Variants in SHANK2 observed in about 807,000 individuals in gnomAD.
The protein encoded by SHANK2 is SH3 and multiple ankyrin repeat domains protein 2.
SHANK2 carries 43 observed loss-of-function variants against 133.7 expected under a neutral mutation model. That is an observed-to-expected ratio of 0.32 (90% CI 0.25 to 0.41). The LOEUF (loss-of-function observed/expected upper bound fraction) is 0.41. Among genes scored for constraint, SHANK2 ranks in the 10% least tolerant of loss-of-function variants. The probability of loss-of-function intolerance (pLI) is 1.00; values close to 1 mark genes in which losing one functional copy is unlikely to be tolerated. For synonymous variants in SHANK2, 1,017 were observed against 952.8 expected (o/e 1.07, Z -1.24); for missense variants, 1,994 against 2,235.8 (o/e 0.89, Z 2.18).
At chr11:70,750,808 C>T (rs941551505) in intron 14 of SHANK2, among the ~76,000 whole-genome samples, 3 of 152,126 alleles carry the variant, frequency 2.0e-5, no homozygotes, top group African/African-American at 4.8e-5. Context: ...AGATCTCAAT[C>T]GCAAGCCAAG....
chr11:71,087,048 G>A (rs1299197904), intron 8 of SHANK2, among the ~76,000 whole-genome samples: 15 of 152,334 alleles, frequency 9.8e-5, no homozygotes, highest in African/African-American at 2.6e-4. Flanking sequence ...GGGAGCAGGT[G>A]CACTGCCCCA....
rs370127368 is a variant in SHANK2 at position 70,770,446 on chromosome 11, A to T, written c.1777+27997T>A. Among the ~76,000 whole-genome samples the T allele has an allele frequency of 2.0e-4, 31 of 152,356 alleles. No homozygotes were observed. The East Asian group carries it at 2.7e-3, about 13-fold the overall frequency. On this transcript the variant is annotated intron_variant, in intron 14 of 25. Coordinates refer to ENST00000601538, the MANE Select transcript of SHANK2 (RefSeq NM_012309.5). ...AGAGACCAGCTGTCCAGCTGTGTTA[A>T]CACTGAGGCCCCCAGCTGGCCTGAA...
At chr11:70,912,765 G>T (rs1267454507) in intron 10 of SHANK2, among the ~76,000 whole-genome samples, 4 of 152,062 alleles carry the variant, frequency 2.6e-5, no homozygotes, top group African/African-American at 9.7e-5. Flanking sequence ...ACCTCTTTTT[G>T]TTTCCAGTTT....
intron 14 of SHANK2, among the ~76,000 whole-genome samples, chr11:70,708,116 A>G (rs1945704181): frequency 6.6e-6 from 1 of 152,184 alleles, no homozygotes; most frequent in South Asian, 2.1e-4. Flanking sequence ...GACCAGGAAA[A>G]GCCCTGGCGT....
chr11:70,672,000 A>G (rs1555016164), intron 15 of SHANK2, among the ~76,000 whole-genome samples: 1 of 151,510 alleles, frequency 6.6e-6, no homozygotes, highest in Admixed American at 6.6e-5. Context: ...AAAACCTTAA[A>G]TCACACTGTA....
chr11:70,472,814 C>G lies in SHANK2; in HGVS notation c.*55G>C. ...CGCTTGGCATTCAGATGTTTCAGCA[C>G]GAGCCCATCTCTACTTATAACAAGA... is the stretch of plus-strand genomic sequence containing the variant. On this transcript the variant is annotated 3_prime_UTR_variant, in exon 26 of 26. Transcript: ENST00000601538. This position sits in a 1 kb window ranked among gnomAD's most constrained non-coding sequence, Gnocchi z 4.4. The G allele has an allele frequency of 6.5e-7, 1 of 1,545,180 alleles. No homozygotes were observed.
chr11:71,092,729 G>T, intron 7 of SHANK2, 140 bp from the exon 8 acceptor site: 3 of 780,678 alleles, frequency 3.8e-6, no homozygotes, highest in Non-Finnish European at 6.1e-6. Flanking sequence ...GCTTCTCCTG[G>T]GCTCCCCAGA....
intron 14 of SHANK2, among the ~76,000 whole-genome samples, chr11:70,713,672 C>G (rs1453194078): frequency 6.6e-6 from 1 of 152,112 alleles, no homozygotes. Flanking sequence ...TGTCACAGCG[C>G]CGGGTGTCCG....
intron 14 of SHANK2, among the ~76,000 whole-genome samples, chr11:70,758,042 C>CT (rs1486823223): frequency 6.6e-6 from 1 of 152,154 alleles, no homozygotes; most frequent in Non-Finnish European, 1.5e-5. Flanking sequence ...CCGCATCCAC[C>CT]TTTAAACACG....
At chr11:70,942,095 G>A (rs1950656289) in intron 10 of SHANK2, among the ~76,000 whole-genome samples, 1 of 152,132 alleles carries the variant, frequency 6.6e-6, no homozygotes, top group African/African-American at 2.4e-5. Context: ...GCTGAGGCAG[G>A]AGAATTGTGT....
intron 10 of SHANK2, among the ~76,000 whole-genome samples, chr11:70,913,095 A>C (rs1950219691): frequency 6.6e-6 from 1 of 151,806 alleles, no homozygotes; most frequent in Non-Finnish European, 1.5e-5. Flanking sequence ...AAAAAAAAAA[A>C]AAAAACCTAC....
Position 70,554,699 on chromosome 11 carries a change from G to A in SHANK2, c.2062-51768C>T, listed in dbSNP as rs186072027. 2.2e-3 allele frequency among the ~76,000 whole-genome samples: 333 copies of A among 152,186 alleles called. 2 individuals carry two copies. Among genetic ancestry groups the A allele is most frequent in the Middle Eastern group, 0.014 (4 of 294 alleles). On this transcript the variant is annotated intron_variant, in intron 17 of 25. Transcript: ENST00000601538. The stretch of plus-strand genomic sequence containing the variant: ...TCTGGGCATTGTATATTCGTTGGTT[G>A]TAACTATCTATAACGCCCCGTTCCC...
intron 2 of SHANK2, among the ~76,000 whole-genome samples, chr11:71,149,160 G>A (rs1952711691): frequency 6.6e-6 from 1 of 152,206 alleles, no homozygotes; most frequent in South Asian, 2.1e-4. Context: ...CCCAAAATAT[G>A]CTGCCTGGGC....
chr11:70,695,153 G>A (rs1308753027), intron 15 of SHANK2, among the ~76,000 whole-genome samples: 1 of 152,192 alleles, frequency 6.6e-6, no homozygotes, highest in African/African-American at 2.4e-5. Flanking sequence ...GCCAGAGTCT[G>A]AGGGAGGTGG....
rs60938615 is a variant in SHANK2, at chr11:71,182,169, T to C, written c.-12-34831A>G. 7.4e-3 allele frequency among the ~76,000 whole-genome samples: 1,129 copies of C among 152,114 alleles called. 10 individuals carry two copies. The highest frequency in any genetic ancestry group is 0.026 in the African/African-American group (1,089 of 41,472). On this transcript the variant is annotated intron_variant, in intron 2 of 25. Transcript: ENST00000601538. ...AAAAAAAAAAAAATCTCTCCAAACATGGTCCTATTCCAGGTTCCCATGCCT... is the reference window on the plus strand; with the variant it reads ...AAAAAAAAAAAAATCTCTCCAAACACGGTCCTATTCCAGGTTCCCATGCCT...
intron 1 of SHANK2, among the ~76,000 whole-genome samples, chr11:71,226,273 A>C (rs1954642106): frequency 6.6e-6 from 1 of 152,264 alleles, no homozygotes; most frequent in Non-Finnish European, 1.5e-5. Context: ...ACTGAACAAT[A>C]GAGTGAAACA....
chr11:70,800,559 C>G (rs952012831), intron 13 of SHANK2, among the ~76,000 whole-genome samples: 3 of 152,208 alleles, frequency 2.0e-5, no homozygotes, highest in South Asian at 2.1e-4. Context: ...CCACTCAGCC[C>G]ACGATTTTTG....
chr11:71,121,482 C>A (rs548158270), intron 3 of SHANK2, among the ~76,000 whole-genome samples: 1 of 152,170 alleles, frequency 6.6e-6, no homozygotes, highest in Admixed American at 6.5e-5. Context: ...GTCAGATGGA[C>A]AGATTGCAAA....
chr11:70,781,282 C>T (rs1334683792), intron 14 of SHANK2, among the ~76,000 whole-genome samples: 5 of 151,746 alleles, frequency 3.3e-5, no homozygotes, highest in South Asian at 2.1e-4. Context: ...CCATGAGAAA[C>T]GTCCGGTTTG....
Sources: gnomAD v4.1 joint callset for allele counts (sites outside exome capture counted in the v4.1 genomes callset) on GRCh38, gnomAD v4.1.1 for gene constraint, Gnocchi (gnomAD v3.1) non-coding constraint, MANE v1.5 for transcripts, NCBI Gene and HGNC (gene_info 2026-07-23, HGNC 2026-07-21) for gene names.